Variants in KCNN2 observed in about 807,000 individuals in gnomAD.
KCNN2 encodes small conductance calcium-activated potassium channel protein 2.
A neutral mutation model predicts 55.5 loss-of-function variants in KCNN2; 24 were observed. The observed-to-expected ratio is 0.43, with a 90% CI of 0.31 to 0.61. The LOEUF (loss-of-function observed/expected upper bound fraction) is 0.61. Ranked by LOEUF, KCNN2 falls within the 20% of genes least tolerant of loss-of-function variation. The pLI is 0.08. For synonymous variants in KCNN2, 431 were observed against 336.1 expected, an observed-to-expected ratio of 1.28 and a Z score of -3.09; for missense variants, 754 against 853.6, an observed-to-expected ratio of 0.88 and a Z score of 1.45.
chr5:114,324,175 G>A (rs188984734), intron 2 of KCNN2, among the ~76,000 whole-genome samples: 188 of 152,196 alleles, frequency 1.2e-3, no homozygotes, highest in South Asian at 3.1e-3. Flanking sequence ...TTCTTCATAC[G>A]TTGTACCAAC....
chr5:114,060,040 C>G (rs955675939), intron 1 of KCNN2, among the ~76,000 whole-genome samples: 1 of 152,220 alleles, frequency 6.6e-6, no homozygotes, highest in East Asian at 1.9e-4. Flanking sequence ...CCCTAACAGC[C>G]CTAGCCCCAC....
intron 2 of KCNN2, among the ~76,000 whole-genome samples, chr5:114,388,147 A>G (rs370300893): frequency 1.8e-4 from 27 of 152,262 alleles, no homozygotes; most frequent in African/African-American, 6.3e-4. Context: ...TTGGATGTAT[A>G]GTTTGGTTCA....
intron 1 of KCNN2, among the ~76,000 whole-genome samples, chr5:114,169,859 C>A (rs892650154): frequency 6.6e-6 from 1 of 152,006 alleles, no homozygotes; most frequent in African/African-American, 2.4e-5. Context: ...GAGATAAGGA[C>A]TGATGAAAAT....
chr5:114,317,655 CA>C (rs1357233595), intron 2 of KCNN2, among the ~76,000 whole-genome samples: 3 of 152,114 alleles, frequency 2.0e-5, no homozygotes, highest in Non-Finnish European at 4.4e-5. Flanking sequence ...CCTGCACCTC[CA>C]TGAGTTATGT....
chr5:114,462,258 G>T (rs559257421), intron 3 of KCNN2, among the ~76,000 whole-genome samples: 1 of 152,302 alleles, frequency 6.6e-6, no homozygotes, highest in East Asian at 1.9e-4. Context: ...TAGGATACCT[G>T]TTTCTGATAT....
intron 3 of KCNN2, among the ~76,000 whole-genome samples, chr5:114,423,317 A>G (rs12110043): frequency 0.025 from 3,878 of 152,256 alleles, 163 homozygotes; most frequent in African/African-American, 0.089. Context: ...AAATGGGAAT[A>G]TGGGTTCCTA....
intron 1 of KCNN2, among the ~76,000 whole-genome samples, chr5:114,156,220 T>C (rs766312346): frequency 1.3e-5 from 2 of 152,182 alleles, no homozygotes; most frequent in Admixed American, 6.5e-5. Flanking sequence ...CTAGGTTCTC[T>C]ATTCTGTTCC....
intron 2 of KCNN2, among the ~76,000 whole-genome samples, chr5:114,243,929 A>T (rs1754696100): frequency 6.6e-6 from 1 of 152,212 alleles, no homozygotes; most frequent in Non-Finnish European, 1.5e-5. Flanking sequence ...ACCCTGTCTT[A>T]AACTACTGCG....
intron 1 of KCNN2, among the ~76,000 whole-genome samples, chr5:114,157,963 C>T (rs1219757266): frequency 6.6e-6 from 1 of 151,736 alleles, no homozygotes; most frequent in African/African-American, 2.4e-5. Flanking sequence ...TGCGTGTTCA[C>T]TCTGATGGTA....
intron 3 of KCNN2, among the ~76,000 whole-genome samples, chr5:114,435,565 T>C (rs566048681): frequency 6.6e-6 from 1 of 152,054 alleles, no homozygotes; most frequent in Non-Finnish European, 1.5e-5. Flanking sequence ...GAAAATCCTT[T>C]AGTTTGATCA....
At position 114,496,117 on chromosome 5, in the gene KCNN2, C is replaced by T. The variant is rs768868292; in HGVS notation, c.2311C>T (p.Arg771Trp). Residue 771 changes from arginine (R) to tryptophan (W), a missense_variant, in exon 8 of 8, where the codon CGG (arginine) becomes TGG (tryptophan). Arg to Trp is a moderately radical substitution (Grantham distance 101). Coordinates refer to ENST00000673685, the MANE Select transcript of KCNN2 (RefSeq NM_021614.4). Reference sequence around the variant, plus strand: ...CGTCACTTACAATGCTGAGCGGTCCCGGTCCTCGTCCAGGAGGCGGCGGTC... The same window carrying T: ...CGTCACTTACAATGCTGAGCGGTCCTGGTCCTCGTCCAGGAGGCGGCGGTC... ...KHVTYNAERS[R>W]SSSRRRRSSS... 1.1e-5 allele frequency: 17 copies of T among 1,613,880 alleles called. No homozygotes were observed. Among genetic ancestry groups the T allele is most frequent in the East Asian group, 6.7e-5 (3 of 44,844 alleles).
chr5:114,087,256 G>T (rs2112549445), intron 1 of KCNN2, among the ~76,000 whole-genome samples: 1 of 152,088 alleles, frequency 6.6e-6, no homozygotes. Flanking sequence ...AGTTTCTTTT[G>T]TGGTGCAGAA....
intron 1 of KCNN2, among the ~76,000 whole-genome samples, chr5:114,202,592 T>A (rs1161180027): frequency 4.3e-5 from 6 of 139,878 alleles, no homozygotes; most frequent in African/African-American, 1.4e-4. Context: ...TATATTTTTT[T>A]TTTTTTTTTC....
intron 1 of KCNN2, among the ~76,000 whole-genome samples, chr5:114,161,622 A>C (rs1344120517): frequency 1.3e-5 from 2 of 152,312 alleles, no homozygotes; most frequent in East Asian, 3.9e-4. Context: ...CATTCTCCCC[A>C]TCACGTTCAG....
chr5:114,339,171 T>G (rs2150035884), intron 2 of KCNN2, among the ~76,000 whole-genome samples: 1 of 152,284 alleles, frequency 6.6e-6, no homozygotes, highest in South Asian at 2.1e-4. Context: ...CTTGATAGGG[T>G]TTCTCAGGGT....
chr5:114,211,973 A>T (rs1753896050), intron 1 of KCNN2, among the ~76,000 whole-genome samples: 1 of 150,894 alleles, frequency 6.6e-6, no homozygotes, highest in African/African-American at 2.4e-5. Flanking sequence ...GTATAGCAAC[A>T]CTTTATACTA....
At chr5:114,301,471 A>G (rs956634164) in intron 2 of KCNN2, among the ~76,000 whole-genome samples, 3 of 151,908 alleles carry the variant, frequency 2.0e-5, no homozygotes, top group Non-Finnish European at 4.4e-5. Flanking sequence ...CTTGTAATCT[A>G]TTTCTGCCCT....
intron 2 of KCNN2, among the ~76,000 whole-genome samples, chr5:114,271,353 G>C (rs1021933174): frequency 3.3e-5 from 5 of 152,072 alleles, no homozygotes; most frequent in Non-Finnish European, 4.4e-5. Context: ...CTTTTAGCTA[G>C]ATACAGTGCT....
Position 114,362,454 on chromosome 5 carries a change from G to T in KCNN2, c.315G>T (p.Ser105=). The stretch of plus-strand genomic sequence containing the variant: ...GCGCCTTCCGGACCCGCACCTCCTC[G>T]CCGCTGTCGGGCTCGTCCTGCTGCT... ...PGGAFRTRTS[S]PLSGSSCCCC... The change falls in exon 1 of 8, where the codon TCG becomes TCT. Residue 105 remains serine, a synonymous_variant. Transcript: ENST00000673685. 2.6e-6 allele frequency: 1 copy of T among 385,698 alleles called. No individual in the cohort carries two copies. The allele number at this position is 385,698 out of a possible 1,614,324, so 23.9% of individuals were successfully genotyped here. A position where few individuals can be genotyped will look rare whatever the true frequency, so the allele number is the denominator to read the frequency against.
Sources: gnomAD v4.1 joint callset for allele counts (sites outside exome capture counted in the v4.1 genomes callset) on GRCh38, gnomAD v4.1.1 for gene constraint, MANE v1.5 for transcripts, NCBI Gene and HGNC (gene_info 2026-07-23, HGNC 2026-07-21) for gene names.